Variants in RABL2A observed in about 807,000 individuals in gnomAD.
The protein encoded by RABL2A is RAB, member of RAS oncogene family like 2A, also known as rab-like protein 2A.
RABL2A carries 17 observed loss-of-function variants against 30.7 expected under a neutral mutation model. That is an observed-to-expected ratio of 0.55 (90% CI 0.38 to 0.83). The LOEUF is 0.83. Among genes scored for constraint, RABL2A ranks in the 40% least tolerant of loss-of-function variants. The pLI, the probability that RABL2A is intolerant of heterozygous loss-of-function variation, is 0.00. For synonymous variants in RABL2A, 64 were observed against 101.8 expected (o/e 0.63, Z 2.24); for missense variants, 155 against 272.6 (o/e 0.57, Z 3.04).
rs746898109 is a variant in RABL2A, at chr2:113,640,934, G to A, written c.338G>A (p.Ser113Asn). ...IQRKVTYRNL[S>N]TWYTELREFR... is the part of the protein sequence containing the mutation. Reference sequence around the variant, plus strand: ...AGGAAAGTCACCTATAGGAACCTGAGCACCTGGTATACAGAGCTTCGGGAG... The same window carrying A: ...AGGAAAGTCACCTATAGGAACCTGAACACCTGGTATACAGAGCTTCGGGAG... Residue 113 changes from serine to asparagine, a missense_variant, in exon 6 of 9, where the codon AGC becomes AAC. Coordinates refer to ENST00000683472, the MANE Select transcript of RABL2A (RefSeq NM_001306158.2). 2 of 1,613,834 alleles carry A rather than the reference G, an allele frequency of 1.2e-6. No individual in the cohort carries two copies. The highest frequency in any genetic ancestry group is 1.1e-5 in the South Asian group (1 of 91,068).
chr2:113,627,843 G>T (rs1213207066), intron 1 of RABL2A: 3 of 168,818 alleles, frequency 1.8e-5, no homozygotes, highest in Non-Finnish European at 3.8e-5. Context: ...GCTTTCTGTC[G>T]CTCTCTCTAC....
At position 113,642,518 on chromosome 2, in the gene RABL2A, C is replaced by T. The variant is rs1251518635; in HGVS notation, c.*389C>T. 6.8e-6 allele frequency: 2 copies of T among 292,092 alleles called. No homozygotes were observed. Among genetic ancestry groups the T allele is most frequent in the East Asian group, 9.6e-5 (1 of 10,368 alleles). 18.1% of individuals were successfully genotyped at this position (292,092 alleles called of 1,614,324 possible). Reference sequence around the variant, plus strand: ...TCCAAAGCTCACCTCGGGGACAATTCCTTGGGCTTCTCCTGAGGTAATGAT... The same window carrying T: ...TCCAAAGCTCACCTCGGGGACAATTTCTTGGGCTTCTCCTGAGGTAATGAT... On this transcript the variant is annotated 3_prime_UTR_variant, in exon 9 of 9. Transcript: ENST00000683472.
chr2:113,640,100 T>C (rs1684578326), intron 5 of RABL2A: 1 of 151,922 alleles, frequency 6.6e-6, no homozygotes, highest in Non-Finnish European at 1.5e-5. Context: ...TGAGCTGTGA[T>C]TGAGCCACTG....
chr2:113,634,948 A>G, intron 4 of RABL2A, 103 bp from the exon 5 acceptor site: 1 of 1,179,296 alleles, frequency 8.5e-7, no homozygotes, highest in African/African-American at 1.5e-5. Flanking sequence ...CTCCCCATGT[A>G]CACTCACACA....
Position 113,643,138 on chromosome 2 carries a change from G to A in RABL2A, c.*1009G>A. 1 of 454,522 alleles carries A rather than the reference G, an allele frequency of 2.2e-6. No individual in the cohort carries two copies. The allele number at this position is 454,522 out of a possible 1,614,324, so 28.2% of individuals were successfully genotyped here. ...TACGTCCATTTGGACTACAAGAAGAGCTTCCTTTAAAGTTCCTATTTCAGC... is the reference window on the plus strand; with the variant it reads ...TACGTCCATTTGGACTACAAGAAGAACTTCCTTTAAAGTTCCTATTTCAGC... On this transcript the variant is annotated 3_prime_UTR_variant, in exon 9 of 9. Coordinates refer to ENST00000683472, the MANE Select transcript of RABL2A (RefSeq NM_001306158.2).
intron 5 of RABL2A, chr2:113,637,974 G>T: frequency 3.0e-6 from 3 of 985,358 alleles, no homozygotes; most frequent in Non-Finnish European, 3.6e-6. Flanking sequence ...CTGACCACAC[G>T]GGGAGCTGAG....
chr2:113,641,245 C>T, intron 6 of RABL2A, 108 bp from the exon 7 acceptor site: 1 of 1,558,886 alleles, frequency 6.4e-7, no homozygotes, highest in Non-Finnish European at 8.8e-7. Flanking sequence ...ACATGTTTCC[C>T]AATCATCCCT....
At chr2:113,640,813 C>T in intron 5 of RABL2A, 81 bp from the exon 6 acceptor site, 2 of 1,594,428 alleles carry the variant, frequency 1.3e-6, no homozygotes, top group Non-Finnish European at 1.7e-6. Flanking sequence ...TGCTTACCTG[C>T]TTGGGTGTGT....
rs1685458992 is a variant in RABL2A, at chr2:113,642,174, C to T, written c.*45C>T. ...GGTGGAGCCCTTTTAAAATACCCTTCCCTTCAACAACTCTCCAGCTCTGAA... is the reference window on the plus strand; with the variant it reads ...GGTGGAGCCCTTTTAAAATACCCTTTCCTTCAACAACTCTCCAGCTCTGAA... On this transcript the variant is annotated 3_prime_UTR_variant, in exon 9 of 9. Transcript: ENST00000683472. 5 of 1,544,090 alleles carry T rather than the reference C, an allele frequency of 3.2e-6. No homozygotes were observed. The South Asian group carries it at 3.8e-5, about 12-fold the overall frequency.
chr2:113,638,860 C>T (rs2104780187), intron 5 of RABL2A, among the ~76,000 whole-genome samples: 1 of 151,896 alleles, frequency 6.6e-6, no homozygotes, highest in South Asian at 2.1e-4. Context: ...CCACTGCACT[C>T]TAGCCTGGGC....
chr2:113,628,408 T>A, intron 1 of RABL2A, 146 bp from the exon 2 acceptor site: 1 of 558,974 alleles, frequency 1.8e-6, no homozygotes, highest in South Asian at 2.1e-5. Context: ...CTGTGTGTCA[T>A]CCTCTGCTAC....
In RABL2A at chr2:113,628,584, C is replaced by T. The variant is rs1210909093; in HGVS notation, c.-23C>T. The T allele has an allele frequency of 2.9e-5, 38 of 1,329,800 alleles. No homozygotes were observed. The highest frequency in any genetic ancestry group is 3.8e-5 in the Non-Finnish European group (37 of 985,388). The allele number at this position is 1,329,800 out of a possible 1,614,324, so 82.4% of individuals were successfully genotyped here. A position where few individuals can be genotyped will look rare whatever the true frequency, so the allele number is the denominator to read the frequency against. On this transcript the variant is annotated 5_prime_UTR_variant, in exon 2 of 9. Coordinates refer to ENST00000683472, the MANE Select transcript of RABL2A (RefSeq NM_001306158.2). ...ATACCCTCCCCTCCCTTGGGCTGGA[C>T]CCCTCTCTACAGCTAGGAGCCAATG...
intron 5 of RABL2A, chr2:113,638,067 A>G: frequency 3.0e-6 from 3 of 985,432 alleles, no homozygotes; most frequent in Non-Finnish European, 3.6e-6. Flanking sequence ...GTTCCTCCTC[A>G]GCTCTCAAAA....
chr2:113,642,276 C>A lies in RABL2A; in HGVS notation c.*147C>A. ...CCTATTAGCCTCCCACATTCAAGGC[C>A]CGTGATACAGGGATGAGGTCAGCAC... is the stretch of plus-strand genomic sequence containing the variant. On this transcript the variant is annotated 3_prime_UTR_variant, in exon 9 of 9. Coordinates refer to ENST00000683472, the MANE Select transcript of RABL2A (RefSeq NM_001306158.2). 3 of 1,477,426 alleles carry A rather than the reference C, an allele frequency of 2.0e-6. No homozygotes were observed. Among genetic ancestry groups the A allele is most frequent in the Non-Finnish European group, 2.7e-6 (3 of 1,109,896 alleles). 91.5% of individuals were successfully genotyped at this position (1,477,426 alleles called of 1,614,324 possible). A position where few individuals can be genotyped will look rare whatever the true frequency, so the allele number is the denominator to read the frequency against.
intron 5 of RABL2A, among the ~76,000 whole-genome samples, chr2:113,638,791 CAG>C (rs964913865): frequency 6.6e-6 from 1 of 151,910 alleles, no homozygotes; most frequent in African/African-American, 2.4e-5. Context: ...CGTTTGAAGA[CAG>C]GAGAATCGTT....
chr2:113,633,510 C>T (rs1361572434), intron 3 of RABL2A: 1 of 201,210 alleles, frequency 5.0e-6, no homozygotes, highest in East Asian at 1.2e-4. Flanking sequence ...TGCTGCCTGT[C>T]CTAGGCTCGG....
chr2:113,631,030 T>C (rs1308489828), intron 2 of RABL2A, among the ~76,000 whole-genome samples: 1 of 152,120 alleles, frequency 6.6e-6, no homozygotes, highest in Admixed American at 6.5e-5. Flanking sequence ...CCTGAGTAGC[T>C]GGGATTACAG....
chr2:113,641,137 T>C lies in RABL2A; in HGVS notation c.409+132T>C, dbSNP rs1179433247. The stretch of plus-strand genomic sequence containing the variant: ...TCCCACGATAAGATACAACCCTTGG[T>C]TGGTTGCTTGCATTCTTCCCACCTT... On this transcript the variant is annotated intron_variant, in intron 6 of 8. Transcript: ENST00000683472. The C allele has an allele frequency of 5.1e-6, 5 of 980,848 alleles. No homozygotes were observed. The Admixed American group carries it at 7.8e-5, about 15-fold the overall frequency. 60.8% of individuals were successfully genotyped at this position (980,848 alleles called of 1,614,324 possible). A position where few individuals can be genotyped will look rare whatever the true frequency, so the allele number is the denominator to read the frequency against.
chr2:113,630,137 A>T (rs914802194), intron 2 of RABL2A, among the ~76,000 whole-genome samples: 1 of 152,192 alleles, frequency 6.6e-6, no homozygotes, highest in African/African-American at 2.4e-5. Flanking sequence ...CCAAGTAGTT[A>T]ACTTGACGTC....
Sources: allele counts gnomAD v4.1 joint callset (sites outside exome capture counted in the v4.1 genomes callset), GRCh38; gene constraint gnomAD v4.1.1; transcripts MANE v1.5; gene names NCBI Gene and HGNC (gene_info 2026-07-23, HGNC 2026-07-21).